The following SHOC2 variants were observed in gnomAD, a reference collection of about 807,000 sequenced individuals.
SHOC2 encodes the protein leucine-rich repeat protein SHOC-2.
A neutral mutation model predicts 50.2 loss-of-function variants in SHOC2; 4 were observed. The observed-to-expected ratio is 0.08, with a 90% CI of 0.04 to 0.18. The LOEUF (loss-of-function observed/expected upper bound fraction) is 0.18, where lower values mean the gene tolerates loss of function less well. SHOC2 is among the 10% of genes least tolerant of loss of function. The pLI, the probability that SHOC2 is intolerant of heterozygous loss-of-function variation, is 1.00. For missense variants in SHOC2, 388 were observed against 669.6 expected (o/e 0.58, Z 4.64); for synonymous variants, 218 against 244.5 (o/e 0.89, Z 1.01).
At position 110,940,722 on chromosome 10, in the gene SHOC2, A is replaced by G. The variant is rs544536511; in HGVS notation, c.-235+21065A>G. 4.6e-5 allele frequency among the ~76,000 whole-genome samples: 7 copies of G among 152,020 alleles called. No individual in the cohort carries two copies. The East Asian group carries it at 1.2e-3, about 25-fold the overall frequency. On this transcript the variant is annotated intron_variant, in intron 1 of 8. Transcript: ENST00000369452. ...TATTTAATGGTTTTCTGTTGTCTTT[A>G]ATTTAGATTTTTTCTTTAACAAATT...
intron 7 of SHOC2, 106 bp from the exon 8 acceptor site, chr10:111,009,607 C>A: frequency 1.2e-6 from 1 of 832,292 alleles, no homozygotes; most frequent in Non-Finnish European, 2.0e-6. Context: ...TCTATCCAAT[C>A]TGGTTTCCCT....
At chr10:110,938,601 A>T (rs1847076544) in intron 1 of SHOC2, among the ~76,000 whole-genome samples, 1 of 152,208 alleles carries the variant, frequency 6.6e-6, no homozygotes, top group East Asian at 1.9e-4. Flanking sequence ...TTGTGATCCA[A>T]ATAAATTTGG....
chr10:110,991,032 C>A (rs1305451835), intron 3 of SHOC2, among the ~76,000 whole-genome samples: 1 of 152,128 alleles, frequency 6.6e-6, no homozygotes, highest in East Asian at 1.9e-4. Flanking sequence ...GTAACTTTGC[C>A]TGCTCCTTCA....
At chr10:110,971,841 T>TA (rs1434460526) in intron 2 of SHOC2, among the ~76,000 whole-genome samples, 1 of 152,104 alleles carries the variant, frequency 6.6e-6, no homozygotes, top group Non-Finnish European at 1.5e-5. Flanking sequence ...ATCAGTTTCT[T>TA]ACTATTGTGC....
At chr10:110,990,775 A>C (rs1848171326) in intron 3 of SHOC2, among the ~76,000 whole-genome samples, 1 of 152,216 alleles carries the variant, frequency 6.6e-6, no homozygotes. Flanking sequence ...AAAAACAAAA[A>C]AAAACACAAC....
rs75773972 is a variant in SHOC2, at chr10:110,948,842, C to T, written c.-234-15283C>T. ...AAGGACTAGAAAAAGCTTGTCCAACCTGTGGGCCACATGCAGCCCAGGATG... is the reference window on the plus strand; with the variant it reads ...AAGGACTAGAAAAAGCTTGTCCAACTTGTGGGCCACATGCAGCCCAGGATG... On this transcript the variant is annotated intron_variant, in intron 1 of 8. Coordinates refer to ENST00000369452, the MANE Select transcript of SHOC2 (RefSeq NM_007373.4). Among the ~76,000 whole-genome samples the T allele has an allele frequency of 4.5e-3, 682 of 152,324 alleles. 5 individuals carry two copies. The highest frequency in any genetic ancestry group is 0.016 in the African/African-American group (652 of 41,574).
At chr10:110,980,301 C>T (rs879463234) in intron 2 of SHOC2, among the ~76,000 whole-genome samples, 2 of 152,110 alleles carry the variant, frequency 1.3e-5, no homozygotes, top group Admixed American at 6.5e-5. Flanking sequence ...GGACTACAGG[C>T]GCCCACCACC....
chr10:110,999,734 CT>C (rs1848332192), intron 3 of SHOC2, among the ~76,000 whole-genome samples: 1 of 8,916 alleles, frequency 1.1e-4, no homozygotes, highest in African/African-American at 2.6e-4. Context: ...GAGACTCAGT[CT>C]CAAAAAAAAA....
intron 2 of SHOC2, among the ~76,000 whole-genome samples, chr10:110,970,045 A>C (rs561749721): frequency 6.6e-6 from 1 of 152,316 alleles, no homozygotes; most frequent in East Asian, 1.9e-4. Flanking sequence ...GACACATTCA[A>C]AATCCTCCCT....
chr10:110,967,593 G>C (rs1847700820), intron 2 of SHOC2, among the ~76,000 whole-genome samples: 1 of 152,054 alleles, frequency 6.6e-6, no homozygotes, highest in Non-Finnish European at 1.5e-5. Flanking sequence ...ACCTCCAAAA[G>C]AAACTCTGAA....
chr10:111,005,329 T>C (rs1040280951), intron 5 of SHOC2, among the ~76,000 whole-genome samples: 12 of 152,176 alleles, frequency 7.9e-5, no homozygotes, highest in African/African-American at 2.4e-4. Context: ...TGTAGGGATA[T>C]GTATTGCAGA....
At chr10:110,953,310 A>G (rs1288223715) in intron 1 of SHOC2, among the ~76,000 whole-genome samples, 1 of 152,164 alleles carries the variant, frequency 6.6e-6, no homozygotes, top group Non-Finnish European at 1.5e-5. Flanking sequence ...CATTTCTCTA[A>G]TGATCAGAAT....
intron 2 of SHOC2, among the ~76,000 whole-genome samples, chr10:110,985,040 A>G (rs1266874169): frequency 6.6e-6 from 1 of 152,206 alleles, no homozygotes; most frequent in Non-Finnish European, 1.5e-5. Context: ...ATTAATAGCT[A>G]ACTGGATATT....
At chr10:110,927,253 A>G (rs1487608846) in intron 1 of SHOC2, among the ~76,000 whole-genome samples, 3 of 152,194 alleles carry the variant, frequency 2.0e-5, no homozygotes, top group Non-Finnish European at 4.4e-5. Context: ...GGGTTTGTAT[A>G]TATCTGCGAT....
chr10:111,009,806 C>T lies in SHOC2; in HGVS notation c.1516C>T (p.Leu506Phe). 6.2e-7 allele frequency: 1 copy of T among 1,604,638 alleles called. No homozygotes were observed. The highest frequency in any genetic ancestry group is 8.5e-7 in the Non-Finnish European group (1 of 1,171,470). ...LTHLGLGENL[L>F]THLPEEIGTL... ...ACATCTGGGCCTTGGAGAGAACCTA[C>T]TTACTCACCTTCCTGAAGAAATTGG... Residue 506 changes from leucine (L) to phenylalanine (F), a missense_variant, in exon 8 of 9, where the codon CTT becomes TTT. Coordinates refer to ENST00000369452, the MANE Select transcript of SHOC2 (RefSeq NM_007373.4).
At chr10:110,928,232 G>A (rs192843314) in intron 1 of SHOC2, among the ~76,000 whole-genome samples, 19 of 152,074 alleles carry the variant, frequency 1.2e-4, no homozygotes, top group African/African-American at 4.6e-4. Flanking sequence ...AAGGAGAATC[G>A]CTTGAACCTG....
intron 2 of SHOC2, among the ~76,000 whole-genome samples, chr10:110,980,267 C>G (rs1847951321): frequency 6.6e-6 from 1 of 151,884 alleles, no homozygotes; most frequent in African/African-American, 2.4e-5. Flanking sequence ...TGCCATTCTC[C>G]TGCCTCAGCC....
intron 3 of SHOC2, among the ~76,000 whole-genome samples, chr10:110,999,760 G>A (rs138806998): frequency 0.022 from 1,892 of 86,394 alleles, 55 homozygotes; most frequent in African/African-American, 0.061. Flanking sequence ...AAAAAAAAAA[G>A]AAAGAAAAGA....
At chr10:110,973,656 T>A in intron 2 of SHOC2, among the ~76,000 whole-genome samples, 1 of 152,092 alleles carries the variant, frequency 6.6e-6, no homozygotes, top group Non-Finnish European at 1.5e-5. Flanking sequence ...TTATCAGCCA[T>A]ACAGTCTGGG....
Sources: gnomAD v4.1 joint callset for allele counts (sites outside exome capture counted in the v4.1 genomes callset) on GRCh38, gnomAD v4.1.1 for gene constraint, MANE v1.5 for transcripts, NCBI Gene and HGNC (gene_info 2026-07-23, HGNC 2026-07-21) for gene names.